The following KCNT2 variants were observed in gnomAD, a reference collection of about 807,000 sequenced individuals.
KCNT2 encodes potassium sodium-activated channel subfamily T member 2.
A neutral mutation model predicts 153.8 loss-of-function variants in KCNT2; 67 were observed. That is an observed-to-expected ratio of 0.44 (90% CI 0.36 to 0.53). The LOEUF is 0.53. KCNT2 is among the 20% of genes least tolerant of loss of function. The pLI is 0.00. For synonymous variants in KCNT2, 500 were observed against 458.8 expected (o/e 1.09, Z -1.15); for missense variants, 975 against 1,354.8 (o/e 0.72, Z 4.40).
Position 196,228,026 on chromosome 1 carries a change from T to C in KCNT2, c.*198A>G. The C allele has an allele frequency of 2.5e-6, 1 of 393,228 alleles. No individual in the cohort carries two copies. The highest frequency in any genetic ancestry group is 3.9e-5 in the East Asian group (1 of 25,562). 24.4% of individuals were successfully genotyped at this position (393,228 alleles called of 1,614,324 possible). A position where few individuals can be genotyped will look rare whatever the true frequency, so the allele number is the denominator to read the frequency against. On this transcript the variant is annotated 3_prime_UTR_variant, in exon 28 of 28. Coordinates refer to ENST00000294725, the MANE Select transcript of KCNT2 (RefSeq NM_198503.5). ...GCTTTTCAAATTTATTCCATTGAGG[T>C]CCTTCAAATATTAATAGGGAGAGTA... is the stretch of plus-strand genomic sequence containing the variant.
chr1:196,603,471 T>C (rs549387604), intron 1 of KCNT2, among the ~76,000 whole-genome samples: 15 of 152,284 alleles, frequency 9.9e-5, no homozygotes, highest in African/African-American at 3.6e-4. Context: ...ATTCTCACAA[T>C]TGAATTTGAT....
intron 1 of KCNT2, among the ~76,000 whole-genome samples, chr1:196,541,837 C>A (rs1656416359): frequency 6.6e-6 from 1 of 151,968 alleles, no homozygotes; most frequent in African/African-American, 2.4e-5. Flanking sequence ...ATGTCCAATG[C>A]ACCATTATAT....
intron 12 of KCNT2, among the ~76,000 whole-genome samples, chr1:196,411,059 CTCCT>C (rs147825662): frequency 0.025 from 2,340 of 94,878 alleles, 144 homozygotes; most frequent in African/African-American, 0.11. Context: ...CCTCTATTCC[CTCCT>C]TCCTTCCTTC....
chr1:196,505,319 C>T lies in KCNT2; in HGVS notation c.96-12978G>A, dbSNP rs188516130. 1.7e-3 allele frequency among the ~76,000 whole-genome samples: 253 copies of T among 152,218 alleles called. 2 individuals carry two copies. Among genetic ancestry groups the T allele is most frequent in the African/African-American group, 5.1e-3 (210 of 41,540 alleles). On this transcript the variant is annotated intron_variant, in intron 1 of 27. Coordinates refer to ENST00000294725, the MANE Select transcript of KCNT2 (RefSeq NM_198503.5). ...TCTACATATGGCTAACCAGTTTTCC[C>T]GGCACCATTTATTAAATAGGGAATC...
At chr1:196,452,025 T>G (rs1676256263) in intron 8 of KCNT2, among the ~76,000 whole-genome samples, 1 of 152,110 alleles carries the variant, frequency 6.6e-6, no homozygotes, top group Non-Finnish European at 1.5e-5. Context: ...CCACACAGTA[T>G]TTGTATTATC....
chr1:196,494,899 T>C (rs1268152678), intron 1 of KCNT2, among the ~76,000 whole-genome samples: 1 of 151,966 alleles, frequency 6.6e-6, no homozygotes, highest in African/African-American at 2.4e-5. Flanking sequence ...AACTTTGAAA[T>C]GGCCATCAAT....
At chr1:196,541,826 A>G (rs934267807) in intron 1 of KCNT2, among the ~76,000 whole-genome samples, 2 of 152,094 alleles carry the variant, frequency 1.3e-5, no homozygotes, top group Admixed American at 6.6e-5. Context: ...TGGGAGAGAT[A>G]ATGTCCAATG....
intron 21 of KCNT2, among the ~76,000 whole-genome samples, chr1:196,309,422 A>G (rs1362182405): frequency 3.3e-5 from 5 of 151,918 alleles, no homozygotes; most frequent in African/African-American, 4.8e-5. Context: ...GTGAGTGAAA[A>G]TATGGTTGAG....
chr1:196,353,886 G>A (rs1572145723), intron 14 of KCNT2, among the ~76,000 whole-genome samples: 2 of 151,856 alleles, frequency 1.3e-5, no homozygotes, highest in East Asian at 3.9e-4. Flanking sequence ...AGAAATAAAG[G>A]ATTTAATTGG....
chr1:196,464,512 G>A (rs903702334), intron 8 of KCNT2, among the ~76,000 whole-genome samples: 1 of 151,812 alleles, frequency 6.6e-6, no homozygotes, highest in Non-Finnish European at 1.5e-5. Flanking sequence ...ACTAGTGTAT[G>A]TGTGCATTTT....
At chr1:196,375,136 C>A (rs1325351457) in intron 13 of KCNT2, among the ~76,000 whole-genome samples, 2 of 151,682 alleles carry the variant, frequency 1.3e-5, no homozygotes. Context: ...ATGTGTGCAT[C>A]TGAGTTTGGG....
intron 8 of KCNT2, among the ~76,000 whole-genome samples, chr1:196,448,978 A>G (rs967783885): frequency 1.3e-5 from 2 of 151,780 alleles, no homozygotes; most frequent in African/African-American, 2.4e-5. Flanking sequence ...AAATTACACA[A>G]TGCTTTTATA....
chr1:196,533,232 G>A (rs1655164705), intron 1 of KCNT2, among the ~76,000 whole-genome samples: 2 of 152,064 alleles, frequency 1.3e-5, no homozygotes, highest in South Asian at 4.1e-4. Flanking sequence ...CTAAGAGAAA[G>A]CTATTGATGT....
At chr1:196,370,714 G>A (rs142638283) in intron 14 of KCNT2, among the ~76,000 whole-genome samples, 7 of 152,140 alleles carry the variant, frequency 4.6e-5, no homozygotes, top group Admixed American at 1.3e-4. Context: ...AGATATAGAC[G>A]CAAGAAAATG....
intron 21 of KCNT2, among the ~76,000 whole-genome samples, chr1:196,307,987 A>G (rs1251755135): frequency 6.6e-6 from 1 of 152,078 alleles, no homozygotes; most frequent in Non-Finnish European, 1.5e-5. Context: ...TGGTTGTCAC[A>G]GACAAAATTC....
At chr1:196,307,025 A>G (rs1661696079) in intron 21 of KCNT2, among the ~76,000 whole-genome samples, 1 of 152,144 alleles carries the variant, frequency 6.6e-6, no homozygotes, top group South Asian at 2.1e-4. Flanking sequence ...TTAAAATAAT[A>G]TCAGGAAAAC....
intron 1 of KCNT2, among the ~76,000 whole-genome samples, chr1:196,522,838 C>A (rs1020583512): frequency 9.2e-5 from 14 of 152,118 alleles, no homozygotes; most frequent in Non-Finnish European, 1.8e-4. Context: ...ATGCACCAAT[C>A]AGCACTCTGT....
At chr1:196,332,389 T>C (rs1410546038) in intron 17 of KCNT2, among the ~76,000 whole-genome samples, 3 of 152,174 alleles carry the variant, frequency 2.0e-5, no homozygotes, top group Non-Finnish European at 4.4e-5. Context: ...GTTCCCATCC[T>C]AGATTCCAAA....
intron 5 of KCNT2, 138 bp from the exon 6 acceptor site, chr1:196,469,206 G>T: frequency 1.8e-6 from 1 of 541,774 alleles, no homozygotes; most frequent in South Asian, 3.1e-5. Flanking sequence ...TAGAGATGTA[G>T]CAATGACTTT....
Sources: gnomAD v4.1 joint callset for allele counts (sites outside exome capture counted in the v4.1 genomes callset) on GRCh38, gnomAD v4.1.1 for gene constraint, MANE v1.5 for transcripts, NCBI Gene and HGNC (gene_info 2026-07-23, HGNC 2026-07-21) for gene names.